Variants in TBC1D12 observed in about 807,000 individuals in gnomAD.
TBC1D12 encodes the protein TBC1 domain family member 12.
In TBC1D12, 56 loss-of-function variants were observed where a neutral mutation model predicts 86.7. The ratio of observed to expected loss-of-function variants is 0.65; its 90% CI spans 0.52 to 0.81. The LOEUF is 0.81. TBC1D12 is among the 30% of genes least tolerant of loss of function. The pLI is 0.00. For synonymous variants in TBC1D12, 421 were observed against 411.7 expected, an observed-to-expected ratio of 1.02 and a Z score of -0.27; for missense variants, 1,023 against 1,038.8, an observed-to-expected ratio of 0.98 and a Z score of 0.21.
intron 9 of TBC1D12, among the ~76,000 whole-genome samples, chr10:94,514,281 G>A (rs965715545): frequency 2.0e-5 from 3 of 152,086 alleles, no homozygotes; most frequent in Non-Finnish European, 4.4e-5. Context: ...AGGCTGAGGT[G>A]GAAAGATCGC....
chr10:94,461,158 G>A (rs2055722592), intron 2 of TBC1D12, among the ~76,000 whole-genome samples: 1 of 152,052 alleles, frequency 6.6e-6, no homozygotes, highest in Non-Finnish European at 1.5e-5. Flanking sequence ...ATATAAATGT[G>A]GTGGGTAAAA....
chr10:94,532,391 A>G (rs569149048), intron 12 of TBC1D12, among the ~76,000 whole-genome samples: 1 of 152,078 alleles, frequency 6.6e-6, no homozygotes, highest in African/African-American at 2.4e-5. Flanking sequence ...GTTAGCCAGG[A>G]TGGTCTCGAT....
chr10:94,466,693 C>T lies in TBC1D12; in HGVS notation c.1096-7975C>T, dbSNP rs181596197. On this transcript the variant is annotated intron_variant, in intron 2 of 12. Coordinates refer to ENST00000225235, the MANE Select transcript of TBC1D12 (RefSeq NM_015188.2). ...AACAATACAGAGAATTCATAAATAC[C>T]TCTCATTCAGTTTCTTCTAATGTTA... 3.0e-3 allele frequency among the ~76,000 whole-genome samples: 452 copies of T among 151,992 alleles called. 3 individuals carry two copies. Among genetic ancestry groups the T allele is most frequent in the African/African-American group, 0.01 (426 of 41,466 alleles).
intron 12 of TBC1D12, among the ~76,000 whole-genome samples, chr10:94,532,160 G>A (rs1424099826): frequency 3.4e-5 from 5 of 147,800 alleles, no homozygotes; most frequent in African/African-American, 1.0e-4. Context: ...GATTACAGGC[G>A]TCAGTCACCG....
Position 94,402,664 on chromosome 10 carries a change from G to A in TBC1D12, c.51G>A (p.Leu17=), listed in dbSNP as rs1444059369. The change falls in exon 1 of 13, where the codon TTG becomes TTA. Residue 17 remains leucine, a synonymous_variant. Coordinates refer to ENST00000225235, the MANE Select transcript of TBC1D12 (RefSeq NM_015188.2). ...AGACSGRNPK[L]LPVPAPDPVG... The stretch of plus-strand genomic sequence containing the variant: ...CCTGCTCGGGAAGAAACCCCAAGTT[G>A]CTCCCGGTGCCTGCGCCGGACCCCG... The A allele has an allele frequency of 1.9e-6, 3 of 1,610,478 alleles. No individual in the cohort carries two copies. Among genetic ancestry groups the A allele is most frequent in the Admixed American group, 1.7e-5 (1 of 59,870 alleles).
intron 1 of TBC1D12, among the ~76,000 whole-genome samples, chr10:94,414,484 A>G (rs1407328193): frequency 6.6e-6 from 1 of 152,174 alleles, no homozygotes; most frequent in Non-Finnish European, 1.5e-5. Flanking sequence ...GGCATACCTC[A>G]GTGCCTTTGT....
rs1111067 is a variant in TBC1D12 at position 94,403,163 on chromosome 10, G to C, written c.550G>C (p.Gly184Arg). 2 of 1,442,620 alleles carry C rather than the reference G, an allele frequency of 1.4e-6. No homozygotes were observed. Among genetic ancestry groups the C allele is most frequent in the East Asian group, 3.0e-5 (1 of 32,968 alleles). The allele number at this position is 1,442,620 out of a possible 1,614,324, so 89.4% of individuals were successfully genotyped here. A position where few individuals can be genotyped will look rare whatever the true frequency, so the allele number is the denominator to read the frequency against. ...LEGPGDEDAD[G>R]AGSPSDWASP... ...GGGGCCTGGCGACGAGGACGCGGAC[G>C]GCGCGGGAAGCCCGTCCGATTGGGC... Residue 184 changes from glycine to arginine, a missense_variant, in exon 1 of 13, where the codon GGC becomes CGC. Around this residue, in one of 2 missense-constraint regions of TBC1D12, gnomAD observed 628 missense variants for 531.1 expected, o/e 1.18. Coordinates refer to ENST00000225235, the MANE Select transcript of TBC1D12 (RefSeq NM_015188.2).
intron 2 of TBC1D12, among the ~76,000 whole-genome samples, chr10:94,451,073 T>C (rs1479472505): frequency 1.3e-5 from 2 of 151,888 alleles, no homozygotes; most frequent in Non-Finnish European, 2.9e-5. Context: ...TGTTAAAGGA[T>C]AAAAAATTAT....
chr10:94,515,773 C>T (rs1017074535), intron 9 of TBC1D12, among the ~76,000 whole-genome samples: 2 of 152,144 alleles, frequency 1.3e-5, no homozygotes, highest in African/African-American at 4.8e-5. Context: ...ACATAAACAG[C>T]AATAACTAAT....
At chr10:94,525,147 A>G (rs11188001) in intron 11 of TBC1D12, among the ~76,000 whole-genome samples, 23,905 of 152,148 alleles carry the variant, frequency 0.16, 2,213 homozygotes, top group East Asian at 0.38. Flanking sequence ...TTTACTGAAG[A>G]GGAATATTTA....
intron 7 of TBC1D12, 73 bp from the exon 8 acceptor site, chr10:94,510,018 C>A: frequency 1.0e-6 from 1 of 1,000,054 alleles, no homozygotes; most frequent in Non-Finnish European, 1.5e-6. Flanking sequence ...GCTGTGTGAT[C>A]ATTCTGTATT....
chr10:94,440,500 C>T (rs191022172), intron 1 of TBC1D12, among the ~76,000 whole-genome samples: 1 of 152,142 alleles, frequency 6.6e-6, no homozygotes, highest in East Asian at 1.9e-4. Flanking sequence ...TATTGATTAG[C>T]CTGCATTCTT....
chr10:94,505,485 A>C (rs1255297902), intron 6 of TBC1D12, among the ~76,000 whole-genome samples: 2 of 152,172 alleles, frequency 1.3e-5, no homozygotes, highest in East Asian at 3.9e-4. Context: ...AAGGCTGAGA[A>C]TTGCTTGAAC....
chr10:94,513,746 G>A (rs944468614), intron 9 of TBC1D12, among the ~76,000 whole-genome samples: 3 of 151,874 alleles, frequency 2.0e-5, no homozygotes, highest in African/African-American at 7.3e-5. Context: ...TGTATTTTGT[G>A]TTAAGACAGG....
intron 3 of TBC1D12, among the ~76,000 whole-genome samples, chr10:94,482,801 C>G (rs937832783): frequency 1.4e-4 from 22 of 152,106 alleles, no homozygotes; most frequent in Admixed American, 1.4e-3. Context: ...TCTCCCTGCC[C>G]CACTACTGTC....
chr10:94,487,694 CTTTTT>C (rs35682157), intron 3 of TBC1D12, among the ~76,000 whole-genome samples: 1 of 127,332 alleles, frequency 7.9e-6, no homozygotes, highest in Admixed American at 8.5e-5. Flanking sequence ...TGTTGTTTCT[CTTTTT>C]TTTTTTTTTT....
chr10:94,419,109 G>A (rs982418830), intron 1 of TBC1D12, among the ~76,000 whole-genome samples: 3 of 152,028 alleles, frequency 2.0e-5, no homozygotes, highest in African/African-American at 4.8e-5. Flanking sequence ...TCCTGACCTC[G>A]TGATCCACCG....
chr10:94,486,039 T>C (rs1203751999), intron 3 of TBC1D12, among the ~76,000 whole-genome samples: 1 of 151,828 alleles, frequency 6.6e-6, no homozygotes, highest in Non-Finnish European at 1.5e-5. Context: ...AATTTTGTTT[T>C]TCTTTTCAAA....
At chr10:94,510,569 G>T (rs937945512) in intron 8 of TBC1D12, among the ~76,000 whole-genome samples, 1 of 152,030 alleles carries the variant, frequency 6.6e-6, no homozygotes, top group African/African-American at 2.4e-5. Flanking sequence ...AGGAAGAAAT[G>T]GTTTTCTTTG....
Sources: allele counts gnomAD v4.1 joint callset (sites outside exome capture counted in the v4.1 genomes callset), GRCh38; gene constraint gnomAD v4.1.1; regional missense constraint gnomAD v4.1.1; transcripts MANE v1.5; gene names NCBI Gene and HGNC (gene_info 2026-07-23, HGNC 2026-07-21).